Variants in CSNK1G3 observed in about 807,000 individuals in gnomAD.
CSNK1G3 encodes casein kinase 1 gamma 3.
CSNK1G3 carries 23 observed loss-of-function variants against 64.3 expected under a neutral mutation model. The ratio of observed to expected loss-of-function variants is 0.36; its 90% CI spans 0.26 to 0.51. The LOEUF is 0.51. Among genes scored for constraint, CSNK1G3 ranks in the 20% least tolerant of loss-of-function variants. The pLI is 0.96. For missense variants in CSNK1G3, 357 were observed against 510.5 expected (o/e 0.70, Z 2.90); for synonymous variants, 158 against 162.2 (o/e 0.97, Z 0.20).
intron 6 of CSNK1G3, among the ~76,000 whole-genome samples, chr5:123,577,077 C>T (rs2150754645): frequency 6.6e-6 from 1 of 152,110 alleles, no homozygotes; most frequent in Non-Finnish European, 1.5e-5. Context: ...CCAGATTTGG[C>T]CACCCGTTGC....
chr5:123,569,350 A>G (rs1168399456), intron 4 of CSNK1G3, among the ~76,000 whole-genome samples: 1 of 152,214 alleles, frequency 6.6e-6, no homozygotes, highest in Non-Finnish European at 1.5e-5. Context: ...AACTACACCA[A>G]AATTTGACAA....
At chr5:123,556,143 A>C (rs1186942380) in intron 3 of CSNK1G3, among the ~76,000 whole-genome samples, 1 of 152,076 alleles carries the variant, frequency 6.6e-6, no homozygotes, top group Non-Finnish European at 1.5e-5. Flanking sequence ...GCCTCTCAAG[A>C]ACTAAGCTGA....
intron 10 of CSNK1G3, among the ~76,000 whole-genome samples, chr5:123,594,203 C>G (rs971414760): frequency 6.6e-6 from 1 of 152,076 alleles, no homozygotes; most frequent in South Asian, 2.1e-4. Flanking sequence ...ATTCTTCTCC[C>G]TACTTTTTAT....
intron 6 of CSNK1G3, among the ~76,000 whole-genome samples, chr5:123,577,060 A>G (rs1257306064): frequency 6.6e-6 from 1 of 152,036 alleles, no homozygotes; most frequent in East Asian, 1.9e-4. Context: ...CTGATAGCCA[A>G]AGGGTTCCAG....
intron 12 of CSNK1G3, among the ~76,000 whole-genome samples, chr5:123,606,763 A>G (rs1795438705): frequency 6.6e-6 from 1 of 151,992 alleles, no homozygotes; most frequent in South Asian, 2.1e-4. Flanking sequence ...CCTCCTGGAG[A>G]CTTGCTTTTA....
At chr5:123,548,997 C>T (rs1426389435) in intron 2 of CSNK1G3, among the ~76,000 whole-genome samples, 2 of 152,196 alleles carry the variant, frequency 1.3e-5, no homozygotes, top group South Asian at 2.1e-4. Flanking sequence ...ACCTGCCCAG[C>T]ATAGAGAGAT....
At chr5:123,525,324 T>G (rs1368961047) in intron 1 of CSNK1G3, among the ~76,000 whole-genome samples, 1 of 151,922 alleles carries the variant, frequency 6.6e-6, no homozygotes, top group African/African-American at 2.4e-5. Flanking sequence ...ATTTTTTTTT[T>G]TTTTTGAGAC....
In CSNK1G3 at chr5:123,555,958, A is replaced by G. The variant is rs369470662; in HGVS notation, c.220-1537A>G. Among the ~76,000 whole-genome samples the G allele has an allele frequency of 2.6e-5, 4 of 152,258 alleles. No homozygotes were observed. The South Asian group carries it at 8.3e-4, about 32-fold the overall frequency. The stretch of plus-strand genomic sequence containing the variant: ...ATGTATAGAAGGCACTGTTTTAAGT[A>G]CTTTATATATAAGAAAGGTTAAGTT... On this transcript the variant is annotated intron_variant, in intron 3 of 12. Coordinates refer to ENST00000345990, the Ensembl canonical transcript of CSNK1G3.
intron 1 of CSNK1G3, among the ~76,000 whole-genome samples, chr5:123,525,589 C>G (rs1308480888): frequency 6.6e-6 from 1 of 152,070 alleles, no homozygotes; most frequent in East Asian, 1.9e-4. Context: ...GGCACCATGC[C>G]TGGCAGTTTG....
At chr5:123,592,855 A>G (rs2112468) in intron 10 of CSNK1G3, among the ~76,000 whole-genome samples, 34,565 of 151,530 alleles carry the variant, frequency 0.23, 4,211 homozygotes, top group African/African-American at 0.29. Flanking sequence ...ATAAATTAAA[A>G]TTAGTTGATA....
At chr5:123,602,728 A>ACT (rs1794708042) in intron 10 of CSNK1G3, among the ~76,000 whole-genome samples, 1 of 152,084 alleles carries the variant, frequency 6.6e-6, no homozygotes, top group African/African-American at 2.4e-5. Flanking sequence ...AAGGTGCCAA[A>ACT]CTTGGCTTAG....
chr5:123,550,677 T>G (rs1783463608), intron 2 of CSNK1G3, among the ~76,000 whole-genome samples: 3 of 152,330 alleles, frequency 2.0e-5, no homozygotes, highest in African/African-American at 7.2e-5. Context: ...GGAAATGTCT[T>G]TTAAAATTGG....
intron 10 of CSNK1G3, among the ~76,000 whole-genome samples, chr5:123,600,976 A>T (rs1188051635): frequency 2.0e-5 from 3 of 150,604 alleles, no homozygotes; most frequent in Non-Finnish European, 3.0e-5. Context: ...GTCAGAGGGA[A>T]TTTTTTTTTA....
chr5:123,550,858 T>A (rs1783509912), intron 2 of CSNK1G3, among the ~76,000 whole-genome samples: 2 of 152,212 alleles, frequency 1.3e-5, no homozygotes, highest in African/African-American at 4.8e-5. Context: ...AGGCTGTGGC[T>A]ATGCTAGGTG....
At chr5:123,542,652 G>C (rs2150225770) in intron 1 of CSNK1G3, among the ~76,000 whole-genome samples, 1 of 152,214 alleles carries the variant, frequency 6.6e-6, no homozygotes, top group South Asian at 2.1e-4. Context: ...GTGGCAAAAA[G>C]AGGGGAAAAA....
At chr5:123,568,463 G>T (rs1236084194) in intron 4 of CSNK1G3, among the ~76,000 whole-genome samples, 1 of 152,164 alleles carries the variant, frequency 6.6e-6, no homozygotes, top group Non-Finnish European at 1.5e-5. Context: ...AAGAGAAGAT[G>T]ACACTTCAAA....
intron 1 of CSNK1G3, among the ~76,000 whole-genome samples, chr5:123,514,760 A>T (rs1776847246): frequency 6.6e-6 from 1 of 151,960 alleles, no homozygotes; most frequent in Non-Finnish European, 1.5e-5. Flanking sequence ...GCCTGAGGAA[A>T]GGCATGTGAT....
chr5:123,542,305 C>A (rs560907992), intron 1 of CSNK1G3, among the ~76,000 whole-genome samples: 8 of 152,162 alleles, frequency 5.3e-5, no homozygotes, highest in African/African-American at 1.9e-4. Flanking sequence ...TTTACAACTC[C>A]CCCTCCTTGC....
intron 8 of CSNK1G3, among the ~76,000 whole-genome samples, chr5:123,589,683 TG>T (rs1339922820): frequency 1.3e-5 from 2 of 152,156 alleles, no homozygotes; most frequent in Non-Finnish European, 2.9e-5. Flanking sequence ...TTTTGCCCAT[TG>T]TTTTATATTT....
Sources: allele counts gnomAD v4.1 joint callset (sites outside exome capture counted in the v4.1 genomes callset), GRCh38; gene constraint gnomAD v4.1.1; transcripts MANE v1.5; gene names NCBI Gene and HGNC (gene_info 2026-07-23, HGNC 2026-07-21).